Variants in THAP4 observed in about 807,000 individuals in gnomAD.
THAP4 encodes peroxynitrite isomerase THAP4.
THAP4 carries 18 observed loss-of-function variants against 48.1 expected under a neutral mutation model. The observed-to-expected ratio is 0.37, with a 90% CI of 0.26 to 0.56. The LOEUF is 0.56. THAP4 is among the 20% of genes least tolerant of loss of function. The pLI is 0.78. For missense variants in THAP4, 656 were observed against 774.9 expected, an observed-to-expected ratio of 0.85 and a Z score of 1.82; for synonymous variants, 345 against 324.9, an observed-to-expected ratio of 1.06 and a Z score of -0.66.
intron 3 of THAP4, among the ~76,000 whole-genome samples, chr2:241,604,710 A>G (rs937875262): frequency 6.6e-6 from 1 of 152,094 alleles, no homozygotes; most frequent in Non-Finnish European, 1.5e-5. Context: ...GCACCTGGCC[A>G]AGATAAACTT....
chr2:241,610,316 C>T lies in THAP4; in HGVS notation c.1241-3843G>A, dbSNP rs2067251192. On this transcript the variant is annotated intron_variant, in intron 2 of 5. Coordinates refer to ENST00000407315, the MANE Select transcript of THAP4 (RefSeq NM_015963.6). This position sits in a 1 kb window ranked among gnomAD's most constrained non-coding sequence, Gnocchi z 4.2. ...CAGCCCCGCCTCAGGCGCCGCATCT[C>T]CGCCCTCTCTTGCGCCTGCGGGACC... Among the ~76,000 whole-genome samples, 1 of 152,186 alleles carries T rather than the reference C, an allele frequency of 6.6e-6. No individual in the cohort carries two copies. The highest frequency in any genetic ancestry group is 6.5e-5 in the Admixed American group (1 of 15,284).
chr2:241,602,993 G>T lies in THAP4; in HGVS notation c.1487C>A (p.Ala496Asp). The change falls in exon 4 of 6, where the codon GCC (alanine) becomes GAC (aspartate). Residue 496 changes from alanine (A) to aspartate (D), a missense_variant. Physicochemically the swap from Ala to Asp is moderately radical, Grantham distance 126 (BLOSUM62 -2). Coordinates refer to ENST00000407315, the MANE Select transcript of THAP4 (RefSeq NM_015963.6). ...IRLKPDTNKVAFVSAQNTGVV... is the reference protein window; with the variant it reads ...IRLKPDTNKVDFVSAQNTGVV... ...ACCTGTGTTCTGGGCGCTGACAAAG[G>T]CCACCTTGTTGGTGTCGGGCTTGAG... 6.2e-7 allele frequency: 1 copy of T among 1,614,000 alleles called. No homozygotes were observed. Among genetic ancestry groups the T allele is most frequent in the Non-Finnish European group, 8.5e-7 (1 of 1,179,916 alleles).
chr2:241,599,251 C>CA (rs199720828), intron 5 of THAP4, among the ~76,000 whole-genome samples: 27,163 of 131,230 alleles, frequency 0.21, 2,775 homozygotes, highest in South Asian at 0.4. Flanking sequence ...GACTCTGTCT[C>CA]AAAAAAAAAA....
At position 241,584,410 on chromosome 2, in the gene THAP4, T is replaced by A; in HGVS notation, c.*196A>T. ...TGTACAGCCTACGCAAGTGATAATA[T>A]TCAAAATCCTCAGCCATAAAAATAA... On this transcript the variant is annotated 3_prime_UTR_variant, in exon 6 of 6. Coordinates refer to ENST00000407315, the MANE Select transcript of THAP4 (RefSeq NM_015963.6). 1 of 584,818 alleles carries A rather than the reference T, an allele frequency of 1.7e-6. No individual in the cohort carries two copies. Among genetic ancestry groups the A allele is most frequent in the Non-Finnish European group, 3.0e-6 (1 of 331,020 alleles). 36.2% of individuals were successfully genotyped at this position (584,818 alleles called of 1,614,324 possible). A position where few individuals can be genotyped will look rare whatever the true frequency, so the allele number is the denominator to read the frequency against.
intron 2 of THAP4, among the ~76,000 whole-genome samples, chr2:241,607,788 T>A (rs1214635824): frequency 1.1e-5 from 1 of 90,016 alleles, no homozygotes; most frequent in Middle Eastern, 0.01. Context: ...GGGGACAGGA[T>A]CGGACTGATG....
chr2:241,627,112 T>C (rs996599504), intron 2 of THAP4, among the ~76,000 whole-genome samples: 24 of 152,178 alleles, frequency 1.6e-4, no homozygotes, highest in African/African-American at 5.6e-4. Flanking sequence ...CCCTGCCCTG[T>C]TCCCCTATGA....
chr2:241,617,994 T>C (rs1351016395), intron 2 of THAP4, among the ~76,000 whole-genome samples: 1 of 152,138 alleles, frequency 6.6e-6, no homozygotes, highest in African/African-American at 2.4e-5. Flanking sequence ...CACCCTCACA[T>C]CTCTTTGTGT....
In THAP4 at chr2:241,633,238, C is replaced by T. The variant is rs773014290; in HGVS notation, c.919G>A (p.Val307Ile). The change falls in exon 2 of 6, where the codon GTC becomes ATC. Residue 307 changes from valine to isoleucine, a missense_variant. Around this residue, in one of 4 missense-constraint regions of THAP4, gnomAD observed 391 missense variants for 412.4 expected, o/e 0.95. Coordinates refer to ENST00000407315, the MANE Select transcript of THAP4 (RefSeq NM_015963.6). The surrounding 1 kb of genome is among the most constrained non-coding windows in gnomAD (Gnocchi z 7.5). ...SQSPSAPPAD[V>I]TPKPATEAVQ... ...GCTTCCGTGGCTGGCTTTGGGGTGA[C>T]GTCGGCAGGAGGGGCAGAGGGGCTC... is the stretch of plus-strand genomic sequence containing the variant. 9.3e-6 allele frequency: 15 copies of T among 1,609,210 alleles called. No homozygotes were observed. The highest frequency in any genetic ancestry group is 2.2e-5 in the East Asian group (1 of 44,794).
chr2:241,617,482 GA>G, intron 2 of THAP4: 1 of 1,548,272 alleles, frequency 6.5e-7, no homozygotes, highest in Non-Finnish European at 8.7e-7. Flanking sequence ...CAATTGACGG[GA>G]AATGTTTGCA....
In THAP4 at chr2:241,637,116, G is replaced by C. The variant is rs2067684380; in HGVS notation, c.-99C>G. 2.0e-6 allele frequency: 2 copies of C among 1,007,986 alleles called. No homozygotes were observed. The highest frequency in any genetic ancestry group is 2.4e-6 in the Non-Finnish European group (2 of 848,024). 62.4% of individuals were successfully genotyped at this position (1,007,986 alleles called of 1,614,324 possible). Reference sequence around the variant, plus strand: ...AGGGAGCGCGGCGGCGACACGGCTCGGGACGTGGGCCGGCCCGCGGCGTCC... The same window carrying C: ...AGGGAGCGCGGCGGCGACACGGCTCCGGACGTGGGCCGGCCCGCGGCGTCC... On this transcript the variant is annotated 5_prime_UTR_variant, in exon 1 of 6. Transcript: ENST00000407315.
At chr2:241,637,534 C>T (rs762307935), upstream of THAP4, 237 of 1,447,696 alleles carry the variant, frequency 1.6e-4, no homozygotes, top group Middle Eastern at 1.8e-4. Flanking sequence ...CGCCCCGGGG[C>T]TCGCGTCGGC....
At chr2:241,591,124 G>C (rs1575017249) in intron 5 of THAP4, among the ~76,000 whole-genome samples, 1 of 103,068 alleles carries the variant, frequency 9.7e-6, no homozygotes, top group East Asian at 3.3e-4. Context: ...TGACGATGAT[G>C]GGCACTAGGA....
rs947863701 is a variant in THAP4, at chr2:241,616,566, T to C, written c.1241-10093A>G. ...CGCGGGCCCTGGAGAGAAGCTACCC[T>C]GCAGGCGGCTGCTGCTTCAGGGGCA... On this transcript the variant is annotated intron_variant, in intron 2 of 5. Coordinates refer to ENST00000407315, the MANE Select transcript of THAP4 (RefSeq NM_015963.6). The surrounding 1 kb of genome is among the most constrained non-coding windows in gnomAD (Gnocchi z 4.6). 5.9e-5 allele frequency among the ~76,000 whole-genome samples: 9 copies of C among 152,196 alleles called. No individual in the cohort carries two copies. Among genetic ancestry groups the C allele is most frequent in the Admixed American group, 5.2e-4 (8 of 15,280 alleles).
At chr2:241,597,134 C>T (rs954669874) in intron 5 of THAP4, among the ~76,000 whole-genome samples, 1 of 152,150 alleles carries the variant, frequency 6.6e-6, no homozygotes, top group African/African-American at 2.4e-5. Context: ...CTGAAGGAAA[C>T]TTCTTTTTTC....
chr2:241,622,089 C>T (rs531828421), intron 2 of THAP4, among the ~76,000 whole-genome samples: 1 of 152,134 alleles, frequency 6.6e-6, no homozygotes, highest in East Asian at 1.9e-4. Flanking sequence ...GACTTATTTA[C>T]GCGGGCGCGG....
intron 2 of THAP4, among the ~76,000 whole-genome samples, chr2:241,614,994 C>T (rs921180029): frequency 1.3e-5 from 2 of 152,184 alleles, no homozygotes; most frequent in African/African-American, 4.8e-5. Context: ...CAAAGAAAGC[C>T]TGTAAGTTCC....
rs992033187 is a variant in THAP4, at chr2:241,584,509, G to A, written c.*97C>T. ...CACTCTTGAGCCTGCAGAGGCTCAC[G>A]GCCACACCCACTTCTGCCGCAGGGA... On this transcript the variant is annotated 3_prime_UTR_variant, in exon 6 of 6. Coordinates refer to ENST00000407315, the MANE Select transcript of THAP4 (RefSeq NM_015963.6). The A allele has an allele frequency of 1.1e-5, 15 of 1,384,596 alleles. No individual in the cohort carries two copies. Among genetic ancestry groups the A allele is most frequent in the Middle Eastern group, 2.2e-4 (1 of 4,628 alleles). The allele number at this position is 1,384,596 out of a possible 1,614,324, so 85.8% of individuals were successfully genotyped here.
intron 2 of THAP4, among the ~76,000 whole-genome samples, chr2:241,607,467 G>A (rs148461127): frequency 3.6e-4 from 54 of 151,984 alleles, no homozygotes; most frequent in African/African-American, 1.2e-3. Flanking sequence ...GGAAGAGAAG[G>A]ACTGATCCCC....
At chr2:241,594,544 G>C in intron 5 of THAP4, 1 of 314,486 alleles carries the variant, frequency 3.2e-6, no homozygotes, top group Non-Finnish European at 6.4e-6. Flanking sequence ...GGGCAATGTG[G>C]CAAGACCCCA....
Sources: gnomAD v4.1 joint callset for allele counts (sites outside exome capture counted in the v4.1 genomes callset) on GRCh38, gnomAD v4.1.1 for gene constraint, gnomAD v4.1.1 regional missense constraint, Gnocchi (gnomAD v3.1) non-coding constraint, MANE v1.5 for transcripts, NCBI Gene and HGNC (gene_info 2026-07-23, HGNC 2026-07-21) for gene names.